The following SGCZ variants were observed in gnomAD, a reference collection of about 807,000 sequenced individuals.
SGCZ encodes the protein sarcoglycan zeta, also known as zeta-sarcoglycan.
A neutral mutation model predicts 41.3 loss-of-function variants in SGCZ; 40 were observed. That is an observed-to-expected ratio of 0.97 (90% CI 0.75 to 1.26). The LOEUF is 1.26. SGCZ is among the 50% of genes most tolerant of loss of function. SGCZ has a pLI of 0.00. For missense variants in SGCZ, 552 were observed against 369.8 expected, an observed-to-expected ratio of 1.49 and a Z score of -4.04; for synonymous variants, 206 against 137.5, an observed-to-expected ratio of 1.50 and a Z score of -3.49.
intron 1 of SGCZ, among the ~76,000 whole-genome samples, chr8:15,236,771 G>A (rs1009518395): frequency 5.9e-5 from 9 of 152,178 alleles, no homozygotes; most frequent in African/African-American, 2.2e-4. Context: ...GGCCCTCACG[G>A]CCAAGCAGGG....
intron 2 of SGCZ, among the ~76,000 whole-genome samples, chr8:14,528,747 C>A (rs527746692): frequency 1.3e-5 from 2 of 150,430 alleles, no homozygotes; most frequent in Admixed American, 1.3e-4. Flanking sequence ...TATTTCTGGG[C>A]TGCCTCCTTC....
At chr8:15,138,753 C>G (rs1258104431) in intron 1 of SGCZ, among the ~76,000 whole-genome samples, 1 of 152,148 alleles carries the variant, frequency 6.6e-6, no homozygotes, top group Non-Finnish European at 1.5e-5. Flanking sequence ...ATAAATTACC[C>G]AGTCTCAGGT....
intron 5 of SGCZ, among the ~76,000 whole-genome samples, chr8:14,146,648 G>A (rs1315768693): frequency 6.6e-5 from 10 of 151,850 alleles, no homozygotes; most frequent in African/African-American, 1.7e-4. Flanking sequence ...CGAGGCGGGC[G>A]GATCACGAGG....
intron 1 of SGCZ, among the ~76,000 whole-genome samples, chr8:15,133,022 A>G (rs1458570323): frequency 2.0e-5 from 3 of 152,106 alleles, no homozygotes; most frequent in Non-Finnish European, 2.9e-5. Context: ...GTGGGCCTGT[A>G]GTCCCAGCTA....
At chr8:14,507,222 T>A (rs1009636312) in intron 2 of SGCZ, among the ~76,000 whole-genome samples, 1 of 151,354 alleles carries the variant, frequency 6.6e-6, no homozygotes, top group African/African-American at 2.4e-5. Context: ...CATAAGTATG[T>A]AGCCATTCGC....
Position 14,259,645 on chromosome 8 carries a change from G to T in SGCZ, c.337-21966C>A, listed in dbSNP as rs568356381. 5.2e-4 allele frequency among the ~76,000 whole-genome samples: 71 copies of T among 135,400 alleles called. 1 individual carries two copies. In the East Asian group the frequency reaches 8.6e-3, roughly 16 times the overall value. 88.8% of individuals were successfully genotyped at this position (135,400 alleles called of 152,430 possible). On this transcript the variant is annotated intron_variant, in intron 3 of 7. Transcript: ENST00000382080. ...TAGATATGCGGCGTTATTTCTGAGG[G>T]CTCTGTTCTGTTCCATTGATCTATA...
chr8:14,169,878 G>C (rs1804324714), intron 4 of SGCZ, among the ~76,000 whole-genome samples: 1 of 152,024 alleles, frequency 6.6e-6, no homozygotes, highest in African/African-American at 2.4e-5. Context: ...CATCCAGTTA[G>C]TGAAAAAAGA....
chr8:14,417,117 C>T (rs1411909567), intron 2 of SGCZ, among the ~76,000 whole-genome samples: 1 of 151,768 alleles, frequency 6.6e-6, no homozygotes, highest in East Asian at 1.9e-4. Flanking sequence ...TGTTTCTTAG[C>T]TGTAAGAGCC....
intron 1 of SGCZ, among the ~76,000 whole-genome samples, chr8:14,903,426 G>A (rs763866549): frequency 2.6e-5 from 4 of 151,998 alleles, no homozygotes; most frequent in African/African-American, 4.8e-5. Context: ...GTCTGTAATA[G>A]CATTCAAATC....
rs906413706 is a variant in SGCZ, at chr8:14,496,363, C to G, written c.234+58369G>C. 5.9e-5 allele frequency among the ~76,000 whole-genome samples: 9 copies of G among 152,128 alleles called. No individual in the cohort carries two copies. In the East Asian group the frequency reaches 1.7e-3, roughly 29 times the overall value. ...GGATTACAGGCATGAGTAAACATGC[C>G]TGGCCTCCTCTAGCATTTAGATGCT... On this transcript the variant is annotated intron_variant, in intron 2 of 7. Coordinates refer to ENST00000382080, the MANE Select transcript of SGCZ (RefSeq NM_139167.4).
intron 5 of SGCZ, among the ~76,000 whole-genome samples, chr8:14,151,606 C>T (rs986900025): frequency 5.9e-5 from 9 of 151,690 alleles, no homozygotes; most frequent in Non-Finnish European, 8.8e-5. Flanking sequence ...AGAATAGAAA[C>T]ACATATTCTA....
At chr8:14,372,769 G>C in intron 2 of SGCZ, among the ~76,000 whole-genome samples, 1 of 152,070 alleles carries the variant, frequency 6.6e-6, no homozygotes, top group East Asian at 1.9e-4. Flanking sequence ...GTAATAGCAA[G>C]GAAACCAGTG....
chr8:14,573,443 C>A (rs1209959219), intron 1 of SGCZ, among the ~76,000 whole-genome samples: 1 of 152,034 alleles, frequency 6.6e-6, no homozygotes, highest in Non-Finnish European at 1.5e-5. Flanking sequence ...CCGCCTCGGC[C>A]TCCCAAAGTG....
intron 1 of SGCZ, among the ~76,000 whole-genome samples, chr8:14,726,301 T>C (rs1270606281): frequency 1.5e-5 from 2 of 130,544 alleles, no homozygotes; most frequent in Non-Finnish European, 3.3e-5. Flanking sequence ...TGTGTGTATA[T>C]GTGTAAATAC....
chr8:14,454,153 G>A (rs73519311), intron 2 of SGCZ, among the ~76,000 whole-genome samples: 9,569 of 152,178 alleles, frequency 0.063, 990 homozygotes, highest in African/African-American at 0.22. Flanking sequence ...CAGATATTCT[G>A]TGTCAGATAG....
intron 1 of SGCZ, among the ~76,000 whole-genome samples, chr8:14,730,216 T>A (rs575422941): frequency 6.6e-6 from 1 of 152,330 alleles, no homozygotes; most frequent in South Asian, 2.1e-4. Context: ...CGCACGAAGC[T>A]TTATGGTACA....
chr8:14,396,375 G>C (rs189695441), intron 2 of SGCZ, among the ~76,000 whole-genome samples: 1 of 152,104 alleles, frequency 6.6e-6, no homozygotes, highest in Admixed American at 6.6e-5. Flanking sequence ...AAAAGGGAGT[G>C]ATAACTGAAC....
intron 1 of SGCZ, among the ~76,000 whole-genome samples, chr8:15,076,272 C>A (rs1029961136): frequency 2.6e-5 from 4 of 151,698 alleles, no homozygotes; most frequent in Non-Finnish European, 5.9e-5. Flanking sequence ...ACAAAGAGAG[C>A]AGAAAGAAAG....
At chr8:14,602,455 T>C (rs1295819219) in intron 1 of SGCZ, among the ~76,000 whole-genome samples, 1 of 151,616 alleles carries the variant, frequency 6.6e-6, no homozygotes, top group Non-Finnish European at 1.5e-5. Flanking sequence ...GAGGCTGAGG[T>C]GGGAGGATTG....
Sources: allele counts gnomAD v4.1 joint callset (sites outside exome capture counted in the v4.1 genomes callset), GRCh38; gene constraint gnomAD v4.1.1; transcripts MANE v1.5; gene names NCBI Gene and HGNC (gene_info 2026-07-23, HGNC 2026-07-21).